Variants in PCDHGA1 observed in about 807,000 individuals in gnomAD.
PCDHGA1 encodes protocadherin gamma-A1.
In PCDHGA1, 32 loss-of-function variants were observed where a neutral mutation model predicts 58.0. That is an observed-to-expected ratio of 0.55 (90% CI 0.42 to 0.74). PCDHGA1 has a LOEUF of 0.74. Ranked by LOEUF, PCDHGA1 falls within the 30% of genes least tolerant of loss-of-function variation. The pLI is 0.00. For synonymous variants in PCDHGA1, 498 were observed against 501.1 expected (o/e 0.99, Z 0.08); for missense variants, 1,205 against 1,182.3 (o/e 1.02, Z -0.28).
chr5:141,343,394 A>C, intron 1 of PCDHGA1: 1 of 979,842 alleles, frequency 1.0e-6, no homozygotes, highest in African/African-American at 1.7e-5. Context: ...GAGGAGGTGG[A>C]TATCTTATCA....
At chr5:141,404,602 G>C (rs749746083) in intron 1 of PCDHGA1, 2 of 1,614,076 alleles carry the variant, frequency 1.2e-6, no homozygotes, top group Admixed American at 1.7e-5. Flanking sequence ...CATTGAGACT[G>C]TTTGTTTTGG....
chr5:141,491,332 C>T lies in PCDHGA1; in HGVS notation c.2422-3475C>T, dbSNP rs1013118722. 2 of 1,614,072 alleles carry T rather than the reference C, an allele frequency of 1.2e-6. No individual in the cohort carries two copies. The highest frequency in any genetic ancestry group is 2.7e-5 in the African/African-American group (2 of 74,944). On this transcript the variant is annotated intron_variant, in intron 1 of 3. Coordinates refer to ENST00000517417, the MANE Select transcript of PCDHGA1 (RefSeq NM_018912.3). This position sits in a 1 kb window ranked among gnomAD's most constrained non-coding sequence, Gnocchi z 6.9. ...CCTTACCCTTTACCTCATTGTGGCT[C>T]TAGCGACCGTCAGTCTCTTATCCCT...
intron 1 of PCDHGA1, chr5:141,360,661 G>T (rs779342119): frequency 6.2e-7 from 1 of 1,613,944 alleles, no homozygotes; most frequent in Middle Eastern, 1.6e-4. Flanking sequence ...TAATGACAAC[G>T]AGTACTTTGA....
At chr5:141,351,572 A>G (rs561261966) in intron 1 of PCDHGA1, 30 of 1,614,024 alleles carry the variant, frequency 1.9e-5, no homozygotes, top group African/African-American at 2.7e-5. Context: ...CACCCTGCAC[A>G]TCTCCGACAT....
rs772543389 is a variant in PCDHGA1, at chr5:141,330,954, A to T, written c.270A>T (p.Ile90=). 61 of 1,614,134 alleles carry T rather than the reference A, an allele frequency of 3.8e-5. No homozygotes were observed. Among genetic ancestry groups the T allele is most frequent in the Non-Finnish European group, 3.4e-6 (4 of 1,180,048 alleles). The change falls in exon 1 of 4, where the codon ATA becomes ATT. Residue 90 remains isoleucine (I), a synonymous_variant. Transcript: ENST00000517417. ...RSGSLITARR[I]DREELCAQSM... ...GCAGCTTGATCACCGCGCGCAGGAT[A>T]GACCGGGAGGAGCTCTGCGCTCAGA...
Position 141,360,946 on chromosome 5 carries a change from G to A in PCDHGA1, c.2421+27841G>A, listed in dbSNP as rs371775713. ...TCAAGTGACAGCCACCGACCGGGAT[G>A]AAGGCATAAACGCAGAGATCACCTA... On this transcript the variant is annotated intron_variant, in intron 1 of 3. Coordinates refer to ENST00000517417, the MANE Select transcript of PCDHGA1 (RefSeq NM_018912.3). The A allele has an allele frequency of 1.4e-5, 22 of 1,613,850 alleles. No individual in the cohort carries two copies. In the African/African-American group the frequency reaches 2.4e-4, roughly 18 times the overall value.
In PCDHGA1 at chr5:141,490,453, T is replaced by C; in HGVS notation, c.2422-4354T>C. 6.2e-7 allele frequency: 1 copy of C among 1,614,178 alleles called. No homozygotes were observed. Among genetic ancestry groups the C allele is most frequent in the Non-Finnish European group, 8.5e-7 (1 of 1,180,042 alleles). ...GATTAAGCCTTCTGAGAACCACTAC[T>C]CGCTGCTAACCAGCCAGCCTTTGGA... On this transcript the variant is annotated intron_variant, in intron 1 of 3. Coordinates refer to ENST00000517417, the MANE Select transcript of PCDHGA1 (RefSeq NM_018912.3). This position sits in a 1 kb window ranked among gnomAD's most constrained non-coding sequence, Gnocchi z 5.4.
chr5:141,371,347 G>A (rs755497433), intron 1 of PCDHGA1: 1 of 1,613,960 alleles, frequency 6.2e-7, no homozygotes, highest in Non-Finnish European at 8.5e-7. Flanking sequence ...TACACAATTG[G>A]GGTGGAAGCA....
At chr5:141,376,909 G>T (rs1253318299) in intron 1 of PCDHGA1, 1 of 186,916 alleles carries the variant, frequency 5.3e-6, no homozygotes, top group Non-Finnish European at 1.1e-5. Context: ...GGATGGTCTC[G>T]ATCTCCTGAC....
chr5:141,395,515 C>T (rs527577408), intron 1 of PCDHGA1: 5 of 407,340 alleles, frequency 1.2e-5, no homozygotes, highest in South Asian at 7.2e-5. Context: ...AGTAGCTACC[C>T]GTCCATACTG....
In PCDHGA1 at chr5:141,371,087, T is replaced by C. The variant is rs761408104; in HGVS notation, c.2421+37982T>C. ...GCTGTACCACCCAGATCAGGGTAAT[T>C]GTCGCAGATGCAAATGATAACCCCC... On this transcript the variant is annotated intron_variant, in intron 1 of 3. Transcript: ENST00000517417. 8 of 1,613,772 alleles carry C rather than the reference T, an allele frequency of 5.0e-6. No individual in the cohort carries two copies. The South Asian group carries it at 8.8e-5, about 18-fold the overall frequency.
At chr5:141,404,947 T>G (rs561446437) in intron 1 of PCDHGA1, 9 of 1,613,826 alleles carry the variant, frequency 5.6e-6, no homozygotes, top group Non-Finnish European at 7.6e-6. Flanking sequence ...TAGCCATAGC[T>G]GACAGCATCC....
In PCDHGA1 at chr5:141,420,077, C is replaced by T. The variant is rs760626443; in HGVS notation, c.2422-74730C>T. The T allele has an allele frequency of 2.9e-5, 47 of 1,613,782 alleles. No homozygotes were observed. Among genetic ancestry groups the T allele is most frequent in the Admixed American group, 1.0e-4 (6 of 60,004 alleles). The stretch of plus-strand genomic sequence containing the variant: ...CTGCTCCAAGTCCGGACCTGTGGGT[C>T]CCCCCAACTACAGTGAGGGAACGTT... On this transcript the variant is annotated intron_variant, in intron 1 of 3. Coordinates refer to ENST00000517417, the MANE Select transcript of PCDHGA1 (RefSeq NM_018912.3).
In PCDHGA1 at chr5:141,432,725, G is replaced by T; in HGVS notation, c.2422-62082G>T. The T allele has an allele frequency of 6.2e-7, 1 of 1,614,014 alleles. No individual in the cohort carries two copies. On this transcript the variant is annotated intron_variant, in intron 1 of 3. Coordinates refer to ENST00000517417, the MANE Select transcript of PCDHGA1 (RefSeq NM_018912.3). The surrounding 1 kb of genome is among the most constrained non-coding windows in gnomAD (Gnocchi z 6.0). ...GGACCACGGCCAGCCCCCTCTCTCC[G>T]CCACTGTCACGCTCACCGTGGCCGT...
At chr5:141,443,321 A>AC (rs1175439570) in intron 1 of PCDHGA1, among the ~76,000 whole-genome samples, 1 of 151,616 alleles carries the variant, frequency 6.6e-6, no homozygotes, top group African/African-American at 2.4e-5. Flanking sequence ...TCTCTACAAA[A>AC]AAAAAAAACA....
At chr5:141,410,393 C>G in intron 1 of PCDHGA1, 3 of 1,614,046 alleles carry the variant, frequency 1.9e-6, no homozygotes, top group Non-Finnish European at 2.5e-6. Flanking sequence ...CCATCCTGGT[C>G]TCTGTGTCAA....
At chr5:141,501,402 G>T (rs527659990) in intron 2 of PCDHGA1, among the ~76,000 whole-genome samples, 1 of 151,622 alleles carries the variant, frequency 6.6e-6, no homozygotes, top group African/African-American at 2.4e-5. Context: ...ACAGGCCACT[G>T]CTTGGAAAAT....
At chr5:141,438,290 A>G (rs1043285243) in intron 1 of PCDHGA1, among the ~76,000 whole-genome samples, 5 of 152,074 alleles carry the variant, frequency 3.3e-5, no homozygotes, top group East Asian at 3.9e-4. Flanking sequence ...TTTAATCTGT[A>G]TGTAAAAGAA....
chr5:141,388,818 G>T, intron 1 of PCDHGA1: 2 of 1,613,928 alleles, frequency 1.2e-6, no homozygotes, highest in Non-Finnish European at 1.7e-6. Context: ...AGAAGTCAAA[G>T]AATATTCCAT....
Sources: allele counts gnomAD v4.1 joint callset (sites outside exome capture counted in the v4.1 genomes callset), GRCh38; gene constraint gnomAD v4.1.1; non-coding constraint Gnocchi (gnomAD v3.1); transcripts MANE v1.5; gene names NCBI Gene and HGNC (gene_info 2026-07-23, HGNC 2026-07-21).